The following ITGA11 variants were observed in gnomAD, a reference collection of about 807,000 sequenced individuals.
The protein encoded by ITGA11 is integrin subunit alpha 11.
ITGA11 carries 97 observed loss-of-function variants against 141.9 expected under a neutral mutation model. That is an observed-to-expected ratio of 0.68 (90% CI 0.58 to 0.81). The LOEUF (loss-of-function observed/expected upper bound fraction) is 0.81, where lower values mean the gene tolerates loss of function less well. Among genes scored for constraint, ITGA11 ranks in the 30% least tolerant of loss-of-function variants. ITGA11 has a pLI of 0.00. For synonymous variants in ITGA11, 658 were observed against 624.6 expected (o/e 1.05, Z -0.80); for missense variants, 1,387 against 1,559.2 (o/e 0.89, Z 1.86).
intron 10 of ITGA11, among the ~76,000 whole-genome samples, chr15:68,343,870 G>A (rs1425438334): frequency 1.3e-5 from 2 of 152,198 alleles, no homozygotes; most frequent in Non-Finnish European, 2.9e-5. Context: ...GGCTTAAATG[G>A]GGTGTGGGCA....
chr15:68,392,910 CAG>C (rs1378116821), intron 2 of ITGA11, among the ~76,000 whole-genome samples: 1 of 151,888 alleles, frequency 6.6e-6, no homozygotes, highest in Non-Finnish European at 1.5e-5. Context: ...AGAAGCAGAC[CAG>C]AGATGATCCA....
rs745720863 is a variant in ITGA11 at position 68,315,730 on chromosome 15, G to T, written c.2716-3C>A. On this transcript the variant is annotated splice_polypyrimidine_tract_variant and splice_region_variant and intron_variant, in intron 21 of 29. Coordinates refer to ENST00000315757, the MANE Select transcript of ITGA11 (RefSeq NM_001004439.2). Reference sequence around the variant, plus strand: ...TCAAAATCAAGACGGAAAGCCACCTGCAAGGAAGCAGTCGCATGTCTGGGC... The same window carrying T: ...TCAAAATCAAGACGGAAAGCCACCTTCAAGGAAGCAGTCGCATGTCTGGGC... 2 of 1,608,436 alleles carry T rather than the reference G, an allele frequency of 1.2e-6. No homozygotes were observed. Among genetic ancestry groups the T allele is most frequent in the Non-Finnish European group, 1.7e-6 (2 of 1,177,132 alleles).
chr15:68,333,640 C>T lies in ITGA11; in HGVS notation c.1426-1162G>A, dbSNP rs1244303540. Among the ~76,000 whole-genome samples the T allele has an allele frequency of 3.3e-5, 5 of 152,310 alleles. No homozygotes were observed. Among genetic ancestry groups the T allele is most frequent in the Middle Eastern group, 3.4e-3 (1 of 294 alleles). ...GGGTGCCAATTCACCAACTGCTCCC[C>T]CCTGCTTCGTCCCTAGGTGAGGCGC... On this transcript the variant is annotated intron_variant, in intron 12 of 29. Transcript: ENST00000315757. This position sits in a 1 kb window ranked among gnomAD's most constrained non-coding sequence, Gnocchi z 4.2.
In ITGA11 at chr15:68,333,081, T is replaced by C. The variant is rs950283265; in HGVS notation, c.1426-603A>G. 6.6e-6 allele frequency among the ~76,000 whole-genome samples: 1 copy of C among 150,880 alleles called. No individual in the cohort carries two copies. Among genetic ancestry groups the C allele is most frequent in the African/African-American group, 2.4e-5 (1 of 40,862 alleles). Reference sequence around the variant, plus strand: ...AATTATGCATGTATCATAATGTGTTTAATCAGTTATTGCTGGACGGTTAGC... The same window carrying C: ...AATTATGCATGTATCATAATGTGTTCAATCAGTTATTGCTGGACGGTTAGC... On this transcript the variant is annotated intron_variant, in intron 12 of 29. Transcript: ENST00000315757. The surrounding 1 kb of genome is among the most constrained non-coding windows in gnomAD (Gnocchi z 4.2).
At chr15:68,375,451 T>G (rs1595883343) in intron 2 of ITGA11, among the ~76,000 whole-genome samples, 2 of 152,336 alleles carry the variant, frequency 1.3e-5, no homozygotes, top group Non-Finnish European at 2.9e-5. Flanking sequence ...GGGGAAGCGC[T>G]GAGAGCAGCA....
In ITGA11 at chr15:68,357,152, G is replaced by T; in HGVS notation, c.748C>A (p.Arg250Ser). The change falls in exon 7 of 30, where the codon CGC becomes AGC. Residue 250 changes from arginine (R) to serine (S), a missense_variant and splice_region_variant. Physicochemically the swap from Arg to Ser is moderately radical, Grantham distance 110 (BLOSUM62 -1). Coordinates refer to ENST00000315757, the MANE Select transcript of ITGA11 (RefSeq NM_001004439.2). ...TTTTTTGTTCTACTTTTTTTTTACC[G>T]TGCAAATTCAATGCCAAATGCCGTC... ...TRTAFGIEFA[R>S]SEAFQKGGRK... 1.2e-6 allele frequency: 2 copies of T among 1,606,828 alleles called. No homozygotes were observed. The highest frequency in any genetic ancestry group is 1.3e-5 in the African/African-American group (1 of 74,280).
chr15:68,335,863 A>G lies in ITGA11; in HGVS notation c.1277-18T>C, dbSNP rs1421440164. ...TGTGTACCCTGCCACAGGAGGAAACAGGCTGATCTTTGGCACCGTGTCCTC... is the reference window on the plus strand; with the variant it reads ...TGTGTACCCTGCCACAGGAGGAAACGGGCTGATCTTTGGCACCGTGTCCTC... On this transcript the variant is annotated intron_variant, in intron 11 of 29. Coordinates refer to ENST00000315757, the MANE Select transcript of ITGA11 (RefSeq NM_001004439.2). This position sits in a 1 kb window ranked among gnomAD's most constrained non-coding sequence, Gnocchi z 4.9. 1.9e-6 allele frequency: 3 copies of G among 1,610,134 alleles called. No individual in the cohort carries two copies. In the South Asian group the frequency reaches 3.3e-5, roughly 18 times the overall value.
intron 1 of ITGA11, among the ~76,000 whole-genome samples, chr15:68,429,433 C>T (rs542707992): frequency 6.6e-6 from 1 of 152,346 alleles, no homozygotes; most frequent in African/African-American, 2.4e-5. Context: ...AAGCTCTGGT[C>T]AATGGATCTC....
At chr15:68,382,670 C>A (rs1023845761) in intron 2 of ITGA11, among the ~76,000 whole-genome samples, 3 of 152,218 alleles carry the variant, frequency 2.0e-5, no homozygotes, top group Non-Finnish European at 4.4e-5. Flanking sequence ...CTCTTGTTGG[C>A]ATTTTATTTT....
intron 8 of ITGA11, 66 bp from the exon 9 acceptor site, chr15:68,350,848 G>A (rs148040194): frequency 1.7e-4 from 259 of 1,511,936 alleles, no homozygotes; most frequent in Non-Finnish European, 1.9e-4. Flanking sequence ...TACACCACAC[G>A]GCCTAGACCC....
Position 68,311,015 on chromosome 15 carries a change from G to C in ITGA11, c.3153C>G (p.Asp1051Glu). 6.2e-7 allele frequency: 1 copy of C among 1,605,618 alleles called. No homozygotes were observed. The highest frequency in any genetic ancestry group is 1.7e-4 in the Middle Eastern group (1 of 6,050). Residue 1051 changes from aspartate to glutamate, a missense_variant, in exon 26 of 30, where the codon GAC becomes GAG. Asp to Glu is a conservative substitution (Grantham distance 45). Coordinates refer to ENST00000315757, the MANE Select transcript of ITGA11 (RefSeq NM_001004439.2). ...TCACCAGCTGTGGAGCACGACGCAAGTCTTCCTCCACTGGGGTGGGCCGGT... is the reference window on the plus strand; with the variant it reads ...TCACCAGCTGTGGAGCACGACGCAACTCTTCCTCCACTGGGGTGGGCCGGT... ...TEYRPTPVEE[D>E]LRRAPQLNHS...
Position 68,303,048 on chromosome 15 carries a change from C to T in ITGA11, c.*11G>A, listed in dbSNP as rs12591263. 4 of 1,547,560 alleles carry T rather than the reference C, an allele frequency of 2.6e-6. No individual in the cohort carries two copies. Among genetic ancestry groups the T allele is most frequent in the Non-Finnish European group, 2.6e-6 (3 of 1,145,326 alleles). On this transcript the variant is annotated 3_prime_UTR_variant, in exon 30 of 30. Transcript: ENST00000315757. This position sits in a 1 kb window ranked among gnomAD's most constrained non-coding sequence, Gnocchi z 5.3. ...CCTGGCCCCCATCAACTCAAAGTCTCCTCTGGAGCCTCACTCCAGCACTTT... is the reference window on the plus strand; with the variant it reads ...CCTGGCCCCCATCAACTCAAAGTCTTCTCTGGAGCCTCACTCCAGCACTTT...
intron 7 of ITGA11, among the ~76,000 whole-genome samples, chr15:68,356,702 A>G (rs1224572493): frequency 6.6e-6 from 1 of 152,190 alleles, no homozygotes; most frequent in Non-Finnish European, 1.5e-5. Context: ...CCCAACCAAT[A>G]GAATGTGGCA....
rs989453098 is a variant in ITGA11, at chr15:68,333,654, T to C, written c.1426-1176A>G. The stretch of plus-strand genomic sequence containing the variant: ...CAACTGCTCCCCCCTGCTTCGTCCC[T>C]AGGTGAGGCGCCTTCTAAAGGGCCT... On this transcript the variant is annotated intron_variant, in intron 12 of 29. Coordinates refer to ENST00000315757, the MANE Select transcript of ITGA11 (RefSeq NM_001004439.2). The surrounding 1 kb of genome is among the most constrained non-coding windows in gnomAD (Gnocchi z 4.2). 6.6e-6 allele frequency among the ~76,000 whole-genome samples: 1 copy of C among 152,164 alleles called. No homozygotes were observed. Among genetic ancestry groups the C allele is most frequent in the African/African-American group, 2.4e-5 (1 of 41,444 alleles).
intron 11 of ITGA11, among the ~76,000 whole-genome samples, chr15:68,336,613 C>T (rs151056276): frequency 1.1e-3 from 175 of 152,328 alleles, no homozygotes; most frequent in African/African-American, 4.0e-3. Flanking sequence ...GGCAACTCTC[C>T]TGAAAGTGGG....
At chr15:68,317,091 T>C (rs1893606166) in intron 21 of ITGA11, among the ~76,000 whole-genome samples, 174 bp downstream of exon 21, 1 of 152,142 alleles carries the variant, frequency 6.6e-6, no homozygotes, top group African/African-American at 2.4e-5. Flanking sequence ...GGCTGGCTCA[T>C]TTGGTCACTT....
intron 10 of ITGA11, among the ~76,000 whole-genome samples, chr15:68,343,836 T>G (rs750502765): frequency 7.9e-5 from 12 of 152,168 alleles, no homozygotes; most frequent in Non-Finnish European, 1.8e-4. Context: ...GAAGTGGACC[T>G]GAGGAAGGGA....
At position 68,350,605 on chromosome 15, in the gene ITGA11, T is replaced by G. The variant is rs781463289; in HGVS notation, c.1060+12A>C. On this transcript the variant is annotated intron_variant, in intron 9 of 29. Coordinates refer to ENST00000315757, the MANE Select transcript of ITGA11 (RefSeq NM_001004439.2). The stretch of plus-strand genomic sequence containing the variant: ...GGAGAGAGTGGATCCCCTCTTAGCA[T>G]GCATTGCTTACCTTCCAGGCTGAAG... The G allele has an allele frequency of 3.1e-6, 5 of 1,610,898 alleles. No homozygotes were observed. The highest frequency in any genetic ancestry group is 8.5e-7 in the Non-Finnish European group (1 of 1,178,166).
intron 1 of ITGA11, among the ~76,000 whole-genome samples, chr15:68,412,777 G>C (rs1407217249): frequency 1.4e-5 from 2 of 142,802 alleles, no homozygotes; most frequent in African/African-American, 5.2e-5. Context: ...CCAGGTTCAA[G>C]CAATTCTCCT....
Sources: gnomAD v4.1 joint callset for allele counts (sites outside exome capture counted in the v4.1 genomes callset) on GRCh38, gnomAD v4.1.1 for gene constraint, Gnocchi (gnomAD v3.1) non-coding constraint, MANE v1.5 for transcripts, NCBI Gene and HGNC (gene_info 2026-07-23, HGNC 2026-07-21) for gene names.